Variants in TNFSF4 observed in about 807,000 individuals in gnomAD.
The protein encoded by TNFSF4 is tumor necrosis factor ligand superfamily member 4.
Under a neutral mutation model 7.3 loss-of-function variants are expected in TNFSF4, and 4 were observed. The observed-to-expected ratio is 0.55, with a 90% CI of 0.27 to 1.25. The LOEUF (loss-of-function observed/expected upper bound fraction) is 1.25. Among genes scored for constraint, TNFSF4 ranks in the 50% most tolerant of loss-of-function variants. TNFSF4 has a pLI of 0.12. For synonymous variants in TNFSF4, 76 were observed against 83.7 expected (o/e 0.91, Z 0.50); for missense variants, 181 against 208.8 (o/e 0.87, Z 0.82).
chr1:173,417,521 T>TG, the TNFSF4 span, among the ~76,000 whole-genome samples: 134,416 of 152,202 alleles, frequency 0.88, 59,551 homozygotes, highest in South Asian at 0.96. Flanking sequence ...TGGCCAGCAA[T>TG]GAGACTCTGA....
chr1:173,399,435 C>T, the TNFSF4 span, among the ~76,000 whole-genome samples: 1 of 152,166 alleles, frequency 6.6e-6, no homozygotes, highest in African/African-American at 2.4e-5. Context: ...AGCAATGCAA[C>T]TCGCTGTCCA....
the TNFSF4 span, chr1:173,363,163 T>C: frequency 1.0e-5 from 3 of 300,394 alleles, no homozygotes; most frequent in Non-Finnish European, 2.0e-5. Context: ...TGGAAAGTTA[T>C]ACTCCCATTC....
chr1:173,397,882 A>G, the TNFSF4 span, among the ~76,000 whole-genome samples: 2 of 152,144 alleles, frequency 1.3e-5, no homozygotes, highest in African/African-American at 2.4e-5. Flanking sequence ...CATTCAACTC[A>G]CCTATTTGGT....
the TNFSF4 span, among the ~76,000 whole-genome samples, chr1:173,222,745 A>G: frequency 6.6e-6 from 1 of 152,248 alleles, no homozygotes; most frequent in African/African-American, 2.4e-5. Flanking sequence ...ATTAGTCACC[A>G]TAATGGTGTC....
At chr1:173,220,087 C>A in the TNFSF4 span, among the ~76,000 whole-genome samples, 2 of 152,214 alleles carry the variant, frequency 1.3e-5, no homozygotes, top group African/African-American at 4.8e-5. Flanking sequence ...AATCTATTCA[C>A]CTTCCCAAAA....
chr1:173,414,390 C>T, the TNFSF4 span, among the ~76,000 whole-genome samples: 1 of 152,084 alleles, frequency 6.6e-6, no homozygotes, highest in African/African-American at 2.4e-5. Context: ...CTCATTTAAC[C>T]GTTACCTTCT....
At chr1:173,287,132 A>T in the TNFSF4 span, among the ~76,000 whole-genome samples, 13 of 152,234 alleles carry the variant, frequency 8.5e-5, no homozygotes, top group East Asian at 2.3e-3. Context: ...AGGCTGGGCA[A>T]CACAGCCAGA....
At chr1:173,328,760 T>C in the TNFSF4 span, among the ~76,000 whole-genome samples, 1 of 152,128 alleles carries the variant, frequency 6.6e-6, no homozygotes, top group Non-Finnish European at 1.5e-5. Flanking sequence ...TTTGTCCATT[T>C]TTCTCTGTGT....
the TNFSF4 span, among the ~76,000 whole-genome samples, chr1:173,243,550 A>G: frequency 6.6e-6 from 1 of 152,154 alleles, no homozygotes; most frequent in Non-Finnish European, 1.5e-5. Flanking sequence ...TGTTGGTCCA[A>G]TTTTGGCAAG....
At chr1:173,428,208 G>A in the TNFSF4 span, among the ~76,000 whole-genome samples, 1 of 152,106 alleles carries the variant, frequency 6.6e-6, no homozygotes, top group African/African-American at 2.4e-5. Flanking sequence ...GCCTCCCAAA[G>A]TGCTGGGATT....
chr1:173,369,879 G>T, the TNFSF4 span, among the ~76,000 whole-genome samples: 36 of 152,094 alleles, frequency 2.4e-4, no homozygotes, highest in South Asian at 7.5e-3. Flanking sequence ...TGCAAAGCTT[G>T]CAATTTACAT....
At chr1:173,257,059 G>A in the TNFSF4 span, among the ~76,000 whole-genome samples, 2 of 152,338 alleles carry the variant, frequency 1.3e-5, no homozygotes, top group East Asian at 1.9e-4. Context: ...TGTGGCTTAT[G>A]AGATTAGATG....
chr1:173,423,977 G>C, the TNFSF4 span, among the ~76,000 whole-genome samples: 1 of 152,082 alleles, frequency 6.6e-6, no homozygotes, highest in Non-Finnish European at 1.5e-5. Context: ...ACTGTGTCCT[G>C]ACATGGTGGG....
the TNFSF4 span, among the ~76,000 whole-genome samples, chr1:173,225,090 T>G: frequency 7.2e-5 from 11 of 152,342 alleles, no homozygotes; most frequent in African/African-American, 2.6e-4. Context: ...CTTTCAGAAC[T>G]GTGTCTCATA....
chr1:173,365,150 A>G, the TNFSF4 span, among the ~76,000 whole-genome samples: 1 of 151,962 alleles, frequency 6.6e-6, no homozygotes, highest in Non-Finnish European at 1.5e-5. Flanking sequence ...CACTTGGAAA[A>G]AAGAAAAAAA....
At chr1:173,368,701 G>A in the TNFSF4 span, among the ~76,000 whole-genome samples, 1,987 of 151,972 alleles carry the variant, frequency 0.013, 43 homozygotes, top group African/African-American at 0.046. Flanking sequence ...TCGGGGTCCC[G>A]ACAACAAGTT....
the TNFSF4 span, among the ~76,000 whole-genome samples, chr1:173,364,810 G>A: frequency 1.3e-5 from 2 of 151,994 alleles, no homozygotes; most frequent in East Asian, 3.9e-4. Context: ...TGTCATATCA[G>A]GCAGGGCAGT....
At chr1:173,407,326 C>A in the TNFSF4 span, among the ~76,000 whole-genome samples, 1 of 151,990 alleles carries the variant, frequency 6.6e-6, no homozygotes, top group Non-Finnish European at 1.5e-5. Flanking sequence ...ATAATCCCAG[C>A]ACTTTGGGAG....
the TNFSF4 span, among the ~76,000 whole-genome samples, chr1:173,297,913 T>C: frequency 1.3e-5 from 2 of 151,880 alleles, no homozygotes; most frequent in Non-Finnish European, 1.5e-5. Context: ...GACATTTATC[T>C]CCAGTTTTTT....
Sources: allele counts gnomAD v4.1 joint callset (sites outside exome capture counted in the v4.1 genomes callset), GRCh38; gene constraint gnomAD v4.1.1; transcripts MANE v1.5; gene names NCBI Gene and HGNC (gene_info 2026-07-23, HGNC 2026-07-21).